Variants in ZMAT4 observed in about 807,000 individuals in gnomAD.
ZMAT4 encodes zinc finger matrin-type 4.
Under a neutral mutation model 28.7 loss-of-function variants are expected in ZMAT4, and 17 were observed. That is an observed-to-expected ratio of 0.59 (90% CI 0.41 to 0.89). The LOEUF (loss-of-function observed/expected upper bound fraction) is 0.89, where lower values mean the gene tolerates loss of function less well. Among genes scored for constraint, ZMAT4 ranks in the 40% least tolerant of loss-of-function variants. The probability of loss-of-function intolerance (pLI) is 0.00; values close to 1 mark genes in which losing one functional copy is unlikely to be tolerated. For missense variants in ZMAT4, 240 were observed against 283.8 expected, an observed-to-expected ratio of 0.85 and a Z score of 1.11; for synonymous variants, 117 against 109.2, an observed-to-expected ratio of 1.07 and a Z score of -0.44.
At chr8:40,662,172 G>T (rs1808229840) in intron 5 of ZMAT4, among the ~76,000 whole-genome samples, 1 of 151,668 alleles carries the variant, frequency 6.6e-6, no homozygotes, top group Admixed American at 6.6e-5. Flanking sequence ...ATAGAGATGG[G>T]GCTTTACTAT....
chr8:40,569,359 C>G (rs1255370796), intron 6 of ZMAT4, among the ~76,000 whole-genome samples: 3 of 152,186 alleles, frequency 2.0e-5, no homozygotes, highest in Non-Finnish European at 4.4e-5. Flanking sequence ...GAAATGTTGG[C>G]TAAACTCAAA....
intron 1 of ZMAT4, among the ~76,000 whole-genome samples, chr8:40,892,875 C>A (rs932393552): frequency 6.6e-6 from 1 of 152,192 alleles, no homozygotes; most frequent in Admixed American, 6.5e-5. Flanking sequence ...GGCACAGATG[C>A]CTGCACTCCA....
intron 2 of ZMAT4, among the ~76,000 whole-genome samples, chr8:40,819,391 C>T (rs886650652): frequency 2.0e-4 from 31 of 152,086 alleles, no homozygotes; most frequent in African/African-American, 7.5e-4. Flanking sequence ...TGTATTAATA[C>T]ATCATCCCTT....
intron 5 of ZMAT4, among the ~76,000 whole-genome samples, chr8:40,623,231 A>T: frequency 6.6e-6 from 1 of 152,186 alleles, no homozygotes; most frequent in South Asian, 2.1e-4. Context: ...CCAGCTAGAG[A>T]ATAACATGGT....
At chr8:40,844,502 C>T (rs1472274593) in intron 1 of ZMAT4, among the ~76,000 whole-genome samples, 2 of 152,170 alleles carry the variant, frequency 1.3e-5, no homozygotes, top group African/African-American at 2.4e-5. Flanking sequence ...ACATGACTAG[C>T]TTTCCTGGTT....
At chr8:40,644,223 C>A (rs1807193262) in intron 5 of ZMAT4, among the ~76,000 whole-genome samples, 1 of 152,052 alleles carries the variant, frequency 6.6e-6, no homozygotes, top group Non-Finnish European at 1.5e-5. Flanking sequence ...AAGAGAAAAT[C>A]ATTTAACCTA....
chr8:40,739,807 C>T (rs556344714), intron 3 of ZMAT4, among the ~76,000 whole-genome samples: 17 of 152,254 alleles, frequency 1.1e-4, no homozygotes, highest in Admixed American at 4.6e-4. Flanking sequence ...GCCTCCCACC[C>T]GCCGACAGGC....
At chr8:40,575,360 T>G (rs1339542911) in intron 6 of ZMAT4, among the ~76,000 whole-genome samples, 1 of 152,010 alleles carries the variant, frequency 6.6e-6, no homozygotes, top group Non-Finnish European at 1.5e-5. Flanking sequence ...CAAACCCCTA[T>G]GCCTTGGGCT....
At chr8:40,618,537 G>A (rs1806092843) in intron 5 of ZMAT4, among the ~76,000 whole-genome samples, 1 of 151,918 alleles carries the variant, frequency 6.6e-6, no homozygotes, top group Non-Finnish European at 1.5e-5. Flanking sequence ...GTAGTATTTA[G>A]TACAAGGTTT....
chr8:40,602,825 C>CA, intron 5 of ZMAT4, among the ~76,000 whole-genome samples: 2 of 152,222 alleles, frequency 1.3e-5, no homozygotes, highest in East Asian at 3.9e-4. Context: ...TCGTCAGATG[C>CA]ATAGTGTGCG....
rs574027117 is a variant in ZMAT4 at position 40,873,933 on chromosome 8, C to A, written c.-5+23750G>T. On this transcript the variant is annotated intron_variant, in intron 1 of 6. Transcript: ENST00000297737. ...ACATTAACAGAGTAAGCCCAGCGTG[C>A]GTGATCCTGTTCAACTCTCACCACA... Among the ~76,000 whole-genome samples the A allele has an allele frequency of 9.9e-5, 15 of 152,200 alleles. No individual in the cohort carries two copies. The East Asian group carries it at 2.5e-3, about 25-fold the overall frequency.
At chr8:40,830,984 A>C (rs1816260672) in intron 1 of ZMAT4, among the ~76,000 whole-genome samples, 1 of 152,242 alleles carries the variant, frequency 6.6e-6, no homozygotes, top group African/African-American at 2.4e-5. Context: ...ACACGCAAAA[A>C]GGGGATATTA....
intron 1 of ZMAT4, among the ~76,000 whole-genome samples, chr8:40,840,721 T>C (rs1028651414): frequency 1.1e-4 from 16 of 152,304 alleles, no homozygotes; most frequent in African/African-American, 3.8e-4. Context: ...GATGCTGTAT[T>C]CTGAGATAGG....
intron 5 of ZMAT4, among the ~76,000 whole-genome samples, chr8:40,597,789 A>T (rs149836603): frequency 6.6e-6 from 1 of 152,208 alleles, no homozygotes; most frequent in Admixed American, 6.5e-5. Flanking sequence ...TATAAACATT[A>T]AAAGGTAATG....
intron 1 of ZMAT4, among the ~76,000 whole-genome samples, chr8:40,854,803 A>T (rs1446673157): frequency 6.6e-6 from 1 of 152,210 alleles, no homozygotes; most frequent in Non-Finnish European, 1.5e-5. Context: ...GGGTACTGGT[A>T]GTGGTCAATT....
intron 1 of ZMAT4, among the ~76,000 whole-genome samples, chr8:40,849,261 CCT>C (rs746484997): frequency 1.3e-5 from 2 of 152,366 alleles, no homozygotes; most frequent in East Asian, 3.9e-4. Context: ...ACACAATTGC[CCT>C]GTTTTCATCA....
chr8:40,794,908 T>C (rs749332287), intron 2 of ZMAT4, among the ~76,000 whole-genome samples: 2 of 151,970 alleles, frequency 1.3e-5, no homozygotes, highest in Non-Finnish European at 2.9e-5. Context: ...TGGGCAAAAG[T>C]GGCAAATGGA....
At position 40,774,593 on chromosome 8, in the gene ZMAT4, A is replaced by G. The variant is rs192512877; in HGVS notation, c.103-6863T>C. ...CATGGGAAAATAAGTTAAATGCCCT[A>G]AAACAAGAGGGATAAATATTGTAAT... On this transcript the variant is annotated intron_variant, in intron 2 of 6. Coordinates refer to ENST00000297737, the MANE Select transcript of ZMAT4 (RefSeq NM_024645.3). 3.9e-3 allele frequency among the ~76,000 whole-genome samples: 596 copies of G among 152,074 alleles called. 4 individuals are homozygous for G. The highest frequency in any genetic ancestry group is 0.014 in the African/African-American group (567 of 41,544).
chr8:40,832,067 GA>G (rs1356700219), intron 1 of ZMAT4, among the ~76,000 whole-genome samples: 2 of 152,176 alleles, frequency 1.3e-5, no homozygotes, highest in Non-Finnish European at 2.9e-5. Context: ...AGCCAGGGCT[GA>G]CCCCTGTGCC....
Sources: gnomAD v4.1 joint callset for allele counts (sites outside exome capture counted in the v4.1 genomes callset) on GRCh38, gnomAD v4.1.1 for gene constraint, MANE v1.5 for transcripts, NCBI Gene and HGNC (gene_info 2026-07-23, HGNC 2026-07-21) for gene names.